ARHGAP28: variants seen among roughly 807,000 people sequenced by gnomAD.
ARHGAP28 encodes the protein Rho GTPase activating protein 28.
A neutral mutation model predicts 90.7 loss-of-function variants in ARHGAP28; 56 were observed. That is an observed-to-expected ratio of 0.62 (90% CI 0.50 to 0.77). The LOEUF is 0.77. Among genes scored for constraint, ARHGAP28 ranks in the 30% least tolerant of loss-of-function variants. ARHGAP28 has a pLI of 0.00. For synonymous variants in ARHGAP28, 308 were observed against 323.3 expected (o/e 0.95, Z 0.51); for missense variants, 869 against 900.9 (o/e 0.96, Z 0.45).
At chr18:6,759,778 T>C (rs2056143486) in intron 1 of ARHGAP28, among the ~76,000 whole-genome samples, 1 of 149,048 alleles carries the variant, frequency 6.7e-6, no homozygotes, top group African/African-American at 2.5e-5. Context: ...AGAGTTCCCC[T>C]GCTAAAGAAT....
intron 4 of ARHGAP28, among the ~76,000 whole-genome samples, chr18:6,853,473 A>C (rs1371481420): frequency 9.3e-6 from 1 of 107,834 alleles, no homozygotes; most frequent in African/African-American, 3.0e-5. Flanking sequence ...ATTGCCAATC[A>C]ATTTTTTTTT....
intron 1 of ARHGAP28, among the ~76,000 whole-genome samples, chr18:6,737,024 T>A (rs894308536): frequency 2.0e-5 from 3 of 152,150 alleles, no homozygotes; most frequent in Non-Finnish European, 2.9e-5. Context: ...CAATTTTGTT[T>A]CTGAGGTAAT....
chr18:6,898,676 C>A, intron 16 of ARHGAP28: 1 of 1,430,462 alleles, frequency 7.0e-7, no homozygotes. Flanking sequence ...TCAAGTAGAC[C>A]TTTCGTAGAA....
chr18:6,799,306 A>G (rs1453982330), intron 1 of ARHGAP28, among the ~76,000 whole-genome samples: 1 of 146,566 alleles, frequency 6.8e-6, no homozygotes, highest in Non-Finnish European at 1.5e-5. Flanking sequence ...AAATGGCCAT[A>G]CTACCCAAAG....
At chr18:6,790,763 C>G (rs1567948603) in intron 1 of ARHGAP28, 2 of 152,098 alleles carry the variant, frequency 1.3e-5, no homozygotes, top group Non-Finnish European at 2.9e-5. Context: ...ACTGCCGCTT[C>G]TCAGGGTTGG....
At chr18:6,775,750 A>G (rs918708704) in intron 1 of ARHGAP28, among the ~76,000 whole-genome samples, 4 of 152,192 alleles carry the variant, frequency 2.6e-5, no homozygotes, top group East Asian at 3.8e-4. Context: ...TTCACATTCT[A>G]TGGTTTCTTT....
intron 1 of ARHGAP28, among the ~76,000 whole-genome samples, chr18:6,759,380 A>C (rs2056140168): frequency 6.6e-6 from 1 of 152,200 alleles, no homozygotes; most frequent in Non-Finnish European, 1.5e-5. Flanking sequence ...GTTTAGATGT[A>C]GTTTTTATTA....
intron 16 of ARHGAP28, among the ~76,000 whole-genome samples, chr18:6,901,114 G>C (rs7244218): frequency 0.021 from 3,227 of 152,196 alleles, 97 homozygotes; most frequent in African/African-American, 0.074. Flanking sequence ...TTGTTGCTAA[G>C]AAACTGACCC....
intron 1 of ARHGAP28, among the ~76,000 whole-genome samples, chr18:6,814,313 C>G (rs1013860101): frequency 1.3e-5 from 2 of 152,120 alleles, no homozygotes; most frequent in Non-Finnish European, 2.9e-5. Flanking sequence ...AAAGCCCATC[C>G]ACCTGAGAAA....
chr18:6,892,751 A>T (rs375110633), intron 14 of ARHGAP28, among the ~76,000 whole-genome samples: 196 of 152,324 alleles, frequency 1.3e-3, no homozygotes, highest in African/African-American at 4.5e-3. Flanking sequence ...GAAGTCTGTG[A>T]TCCATTAGGT....
intron 1 of ARHGAP28, among the ~76,000 whole-genome samples, chr18:6,736,403 T>C (rs1156756963): frequency 2.0e-5 from 3 of 152,046 alleles, no homozygotes; most frequent in Non-Finnish European, 4.4e-5. Context: ...AATTTTTAAA[T>C]TTCTGTGATT....
chr18:6,841,174 C>CCTCTT (rs1567966489), intron 3 of ARHGAP28, among the ~76,000 whole-genome samples: 1 of 81,852 alleles, frequency 1.2e-5, no homozygotes, highest in African/African-American at 6.1e-5. Flanking sequence ...TCTCCTCTCT[C>CCTCTT]TCTCTCCTCT....
rs553226549 is a variant in ARHGAP28, at chr18:6,772,272, A to G, written c.122+42329A>G. 1.5e-4 allele frequency among the ~76,000 whole-genome samples: 23 copies of G among 152,330 alleles called. No homozygotes were observed. In the South Asian group the frequency reaches 3.1e-3, roughly 21 times the overall value. On this transcript the variant is annotated intron_variant, in intron 1 of 17. Coordinates refer to ENST00000383472, the MANE Select transcript of ARHGAP28 (RefSeq NM_001366230.1). The stretch of plus-strand genomic sequence containing the variant: ...TTAACCATCTTAATAGTATGTTTCA[A>G]CTGGGTGCTCTAACAGAATGTAAGG...
At chr18:6,858,197 A>C (rs568921553) in intron 4 of ARHGAP28, among the ~76,000 whole-genome samples, 2 of 152,180 alleles carry the variant, frequency 1.3e-5, no homozygotes, top group East Asian at 3.9e-4. Context: ...TGCTGTCTAC[A>C]TATTTACGGC....
intron 11 of ARHGAP28, among the ~76,000 whole-genome samples, chr18:6,883,286 T>A (rs956715397): frequency 6.6e-6 from 1 of 151,202 alleles, no homozygotes; most frequent in African/African-American, 2.4e-5. Flanking sequence ...TTGCCCAGGC[T>A]GGAGTTCAGT....
intron 4 of ARHGAP28, among the ~76,000 whole-genome samples, chr18:6,858,204 C>T (rs1254664701): frequency 2.6e-5 from 4 of 152,062 alleles, no homozygotes; most frequent in Non-Finnish European, 4.4e-5. Flanking sequence ...TACATATTTA[C>T]GGCAAGAGAG....
intron 1 of ARHGAP28, among the ~76,000 whole-genome samples, chr18:6,804,557 C>A (rs535469625): frequency 4.2e-4 from 64 of 152,296 alleles, no homozygotes; most frequent in African/African-American, 1.4e-3. Flanking sequence ...TTTAATGTTA[C>A]AAATTTCCCT....
intron 1 of ARHGAP28, among the ~76,000 whole-genome samples, chr18:6,753,833 G>A (rs1295031218): frequency 6.6e-6 from 1 of 152,116 alleles, no homozygotes; most frequent in East Asian, 1.9e-4. Flanking sequence ...TATGGCCTCT[G>A]CCCATAAGAG....
chr18:6,823,744 A>G (rs2143765194), intron 1 of ARHGAP28, among the ~76,000 whole-genome samples: 1 of 151,734 alleles, frequency 6.6e-6, no homozygotes, highest in South Asian at 2.1e-4. Context: ...AAAGCAAATT[A>G]TTTTCCTTCT....
Sources: gnomAD v4.1 joint callset for allele counts (sites outside exome capture counted in the v4.1 genomes callset) on GRCh38, gnomAD v4.1.1 for gene constraint, MANE v1.5 for transcripts, NCBI Gene and HGNC (gene_info 2026-07-23, HGNC 2026-07-21) for gene names.